Variants in BTBD8 observed in about 807,000 individuals in gnomAD.
BTBD8 encodes the protein BTB domain containing 8, also known as BTB/POZ domain-containing protein 8.
A neutral mutation model predicts 162.9 loss-of-function variants in BTBD8; 110 were observed. The observed-to-expected ratio is 0.68, with a 90% CI of 0.58 to 0.79. The LOEUF (loss-of-function observed/expected upper bound fraction) is 0.79. BTBD8 is among the 30% of genes least tolerant of loss of function. The pLI, the probability that BTBD8 is intolerant of heterozygous loss-of-function variation, is 0.00. For synonymous variants in BTBD8, 667 were observed against 716.1 expected (o/e 0.93, Z 1.10); for missense variants, 1,905 against 2,085.4 (o/e 0.91, Z 1.68).
chr1:92,174,696 A>G (rs775459080), intron 13 of BTBD8, among the ~76,000 whole-genome samples: 1 of 152,134 alleles, frequency 6.6e-6, no homozygotes, highest in Non-Finnish European at 1.5e-5. Flanking sequence ...AACGTTTTAA[A>G]TGTTAGAATC....
chr1:92,108,104 C>A, intron 4 of BTBD8, 103 bp downstream of exon 4: 1 of 1,087,398 alleles, frequency 9.2e-7, no homozygotes, highest in Non-Finnish European at 1.4e-6. Flanking sequence ...GGTTTTCACA[C>A]AGGCCACAGG....
chr1:92,081,788 A>G (rs1174045410), intron 1 of BTBD8, among the ~76,000 whole-genome samples: 2 of 152,312 alleles, frequency 1.3e-5, no homozygotes, highest in East Asian at 3.9e-4. Flanking sequence ...TGGCCAGGCT[A>G]GTCACGAACT....
rs1274765533 is a variant in BTBD8 at position 92,177,518 on chromosome 1, T to C, written c.2325T>C (p.Ser775=). ...CDSPGQMMKN[S]VDSVKNSTVA... is the part of the protein sequence containing the mutation. ...CTCCAGGACAGATGATGAAAAACAG[T>C]GTAGATAGTGTCAAAAATTCCACTG... Residue 775 remains serine (S), a synonymous_variant, in exon 14 of 18, where the codon AGT becomes AGC. Transcript: ENST00000636805. The C allele has an allele frequency of 1.9e-6, 3 of 1,540,780 alleles. No individual in the cohort carries two copies. The highest frequency in any genetic ancestry group is 4.2e-5 in the Admixed American group (2 of 48,138).
intron 2 of BTBD8, among the ~76,000 whole-genome samples, chr1:92,097,651 G>A (rs772696112): frequency 1.1e-4 from 16 of 152,168 alleles, no homozygotes; most frequent in Middle Eastern, 3.4e-3. Flanking sequence ...GGCCTTTTAC[G>A]TGTGGCTTTC....
Position 92,182,358 on chromosome 1 carries a change from G to A in BTBD8, c.4675G>A (p.Gly1559Arg). 1 of 1,550,448 alleles carries A rather than the reference G, an allele frequency of 6.4e-7. No homozygotes were observed. The highest frequency in any genetic ancestry group is 1.2e-5 in the South Asian group (1 of 83,734). Residue 1559 changes from glycine (G) to arginine (R), a missense_variant, in exon 17 of 18, where the codon GGA becomes AGA. Physicochemically the swap from Gly to Arg is moderately radical, Grantham distance 125. Transcript: ENST00000636805. The stretch of plus-strand genomic sequence containing the variant: ...TCGAGAAGATAAAAAAGTAAACAAT[G>A]GAAGCAATGTGGAAAATGACATTCA... ...LLREDKKVNN[G>R]SNVENDIQQR...
intron 13 of BTBD8, 95 bp from the exon 14 acceptor site, chr1:92,176,733 AT>A (rs531885172): frequency 7.8e-5 from 49 of 625,410 alleles, no homozygotes; most frequent in East Asian, 1.2e-4. Flanking sequence ...GAACTTTTCT[AT>A]TTTTTTTCTT....
intron 9 of BTBD8, among the ~76,000 whole-genome samples, chr1:92,161,512 T>G (rs1488675089): frequency 6.6e-6 from 1 of 152,230 alleles, no homozygotes; most frequent in Non-Finnish European, 1.5e-5. Flanking sequence ...TTTCCTAATA[T>G]AGAGAGTTTC....
chr1:92,108,028 C>T, intron 4 of BTBD8, 27 bp downstream of exon 4: 1 of 1,583,856 alleles, frequency 6.3e-7, no homozygotes, highest in South Asian at 1.1e-5. Context: ...GATTTGCTGT[C>T]TTGGTTGTGG....
chr1:92,158,781 A>G (rs1280532660), intron 9 of BTBD8, among the ~76,000 whole-genome samples: 1 of 150,454 alleles, frequency 6.6e-6, no homozygotes, highest in Non-Finnish European at 1.5e-5. Context: ...TAAAAAAATG[A>G]AAAAAAAAAT....
rs1403234354 is a variant in BTBD8 at position 92,173,091 on chromosome 1, A to G, written c.1635+1631A>G. Among the ~76,000 whole-genome samples, 12 of 152,032 alleles carry G rather than the reference A, an allele frequency of 7.9e-5. No individual in the cohort carries two copies. The East Asian group carries it at 1.7e-3, about 22-fold the overall frequency. On this transcript the variant is annotated intron_variant, in intron 13 of 17. Transcript: ENST00000636805. ...CAGGAATGTGCCACCATGCCTGCCT[A>G]ATTTTGTATTTTTAGTAGAGATGGG...
Position 92,180,778 on chromosome 1 carries a change from C to T in BTBD8, c.3095C>T (p.Ser1032Leu). Residue 1032 changes from serine (S) to leucine (L), a missense_variant, in exon 17 of 18, where the codon TCA becomes TTA. Transcript: ENST00000636805. Reference sequence around the variant, plus strand: ...TTGGCGTTAGAATGCCAAAATATTTCAAAGCTGGATAAATCATTAAAACAC... The same window carrying T: ...TTGGCGTTAGAATGCCAAAATATTTTAAAGCTGGATAAATCATTAAAACAC... The part of the protein sequence containing the change: ...EKLALECQNI[S>L]KLDKSLKHEL... 1 of 1,551,658 alleles carries T rather than the reference C, an allele frequency of 6.4e-7. No individual in the cohort carries two copies. Among genetic ancestry groups the T allele is most frequent in the East Asian group, 2.4e-5 (1 of 40,922 alleles).
At chr1:92,169,207 A>G (rs1248711907) in intron 12 of BTBD8, among the ~76,000 whole-genome samples, 1 of 152,190 alleles carries the variant, frequency 6.6e-6, no homozygotes, top group Non-Finnish European at 1.5e-5. Flanking sequence ...CTTTATATAT[A>G]TATATGTTTC....
intron 12 of BTBD8, among the ~76,000 whole-genome samples, chr1:92,170,403 C>T (rs1650506907): frequency 6.6e-6 from 1 of 152,056 alleles, no homozygotes; most frequent in African/African-American, 2.4e-5. Flanking sequence ...TACTACATTT[C>T]GTATGTCATA....
intron 3 of BTBD8, among the ~76,000 whole-genome samples, chr1:92,104,778 T>C (rs1648681232): frequency 6.6e-6 from 1 of 152,170 alleles, no homozygotes; most frequent in South Asian, 2.1e-4. Flanking sequence ...CTGTTTTCTG[T>C]GACACCATGC....
chr1:92,116,216 T>A (rs1649039311), intron 4 of BTBD8, among the ~76,000 whole-genome samples: 1 of 152,108 alleles, frequency 6.6e-6, no homozygotes, highest in African/African-American at 2.4e-5. Flanking sequence ...TTATATTATT[T>A]TAGTTTTGTT....
In BTBD8 at chr1:92,176,796, C is replaced by A; in HGVS notation, c.1636-33C>A. On this transcript the variant is annotated intron_variant, in intron 13 of 17. Coordinates refer to ENST00000636805, the MANE Select transcript of BTBD8 (RefSeq NM_001376131.1). ...AATATTATATGTTAAAGATTTCAGT[C>A]AAATTACAAAGTATTTTTTTTCTTT... 3.8e-6 allele frequency: 4 copies of A among 1,055,396 alleles called. No individual in the cohort carries two copies. The South Asian group carries it at 7.3e-5, about 19-fold the overall frequency. The allele number at this position is 1,055,396 out of a possible 1,614,324, so 65.4% of individuals were successfully genotyped here. A position where few individuals can be genotyped will look rare whatever the true frequency, so the allele number is the denominator to read the frequency against.
At chr1:92,159,464 A>T (rs1650237463) in intron 9 of BTBD8, among the ~76,000 whole-genome samples, 1 of 152,136 alleles carries the variant, frequency 6.6e-6, no homozygotes, top group Admixed American at 6.6e-5. Flanking sequence ...GGCATGAGCC[A>T]CCATGCCTGC....
chr1:92,170,875 CTTATT>C (rs1650519382), intron 12 of BTBD8, among the ~76,000 whole-genome samples: 1 of 118,730 alleles, frequency 8.4e-6, no homozygotes, highest in Non-Finnish European at 1.8e-5. Context: ...TTTGAAGATT[CTTATT>C]TTATTTTCAG....
At chr1:92,120,097 C>T (rs1378411849) in intron 4 of BTBD8, among the ~76,000 whole-genome samples, 1 of 151,910 alleles carries the variant, frequency 6.6e-6, no homozygotes, top group Admixed American at 6.6e-5. Flanking sequence ...GATGGGGTTT[C>T]ACCATCTCTA....
Sources: gnomAD v4.1 joint callset for allele counts (sites outside exome capture counted in the v4.1 genomes callset) on GRCh38, gnomAD v4.1.1 for gene constraint, MANE v1.5 for transcripts, NCBI Gene and HGNC (gene_info 2026-07-23, HGNC 2026-07-21) for gene names.